Variants in PDGFC observed in about 807,000 individuals in gnomAD.
The protein encoded by PDGFC is platelet-derived growth factor C.
In PDGFC, 12 loss-of-function variants were observed where a neutral mutation model predicts 35.5. The ratio of observed to expected loss-of-function variants is 0.34; its 90% CI spans 0.22 to 0.55. The LOEUF (loss-of-function observed/expected upper bound fraction) is 0.55, where lower values mean the gene tolerates loss of function less well. Ranked by LOEUF, PDGFC falls within the 20% of genes least tolerant of loss-of-function variation. The pLI is 0.91. For synonymous variants in PDGFC, 159 were observed against 148.8 expected (o/e 1.07, Z -0.50); for missense variants, 322 against 412.4 (o/e 0.78, Z 1.90).
At chr4:156,916,369 C>T (rs886736964) in intron 1 of PDGFC, among the ~76,000 whole-genome samples, 1 of 152,176 alleles carries the variant, frequency 6.6e-6, no homozygotes, top group African/African-American at 2.4e-5. Context: ...AGGTCTTACT[C>T]TACTCTCTTC....
intron 1 of PDGFC, among the ~76,000 whole-genome samples, chr4:156,947,679 C>T (rs1239457048): frequency 6.6e-6 from 1 of 151,956 alleles, no homozygotes; most frequent in Non-Finnish European, 1.5e-5. Context: ...TCACTATCAG[C>T]CTTTTCCCCT....
At chr4:156,809,658 C>T (rs889420223) in intron 3 of PDGFC, among the ~76,000 whole-genome samples, 8 of 151,606 alleles carry the variant, frequency 5.3e-5, no homozygotes, top group Non-Finnish European at 1.0e-4. Flanking sequence ...TTGATTTAAT[C>T]CATATAACTC....
rs146898697 is a variant in PDGFC, at chr4:156,866,172, G to C, written c.119-15756C>G. Among the ~76,000 whole-genome samples, 762 of 152,108 alleles carry C rather than the reference G, an allele frequency of 5.0e-3. 22 individuals carry two copies. The highest frequency in any genetic ancestry group is 0.047 in the Admixed American group (721 of 15,282). ...CTTCCTGTGTCCATGTGTTCTCATTGTTCAATTCCCACCCATGAGTGAGAA... is the reference window on the plus strand; with the variant it reads ...CTTCCTGTGTCCATGTGTTCTCATTCTTCAATTCCCACCCATGAGTGAGAA... On this transcript the variant is annotated intron_variant, in intron 1 of 5. Coordinates refer to ENST00000502773, the MANE Select transcript of PDGFC (RefSeq NM_016205.3).
intron 1 of PDGFC, among the ~76,000 whole-genome samples, chr4:156,902,967 G>C (rs545127545): frequency 6.6e-6 from 1 of 151,878 alleles, no homozygotes; most frequent in African/African-American, 2.4e-5. Flanking sequence ...TCTGAAAATC[G>C]ATTGATAGAG....
intron 2 of PDGFC, among the ~76,000 whole-genome samples, chr4:156,835,495 GTC>G (rs1256897719): frequency 6.6e-6 from 1 of 152,134 alleles, no homozygotes; most frequent in Non-Finnish European, 1.5e-5. Flanking sequence ...AAATGTTAGT[GTC>G]TCTGTATATT....
chr4:156,884,583 A>G (rs1730330311), intron 1 of PDGFC, among the ~76,000 whole-genome samples: 1 of 152,226 alleles, frequency 6.6e-6, no homozygotes, highest in African/African-American at 2.4e-5. Context: ...CATACTTCCT[A>G]TGCAAAAGAT....
chr4:156,795,415 A>G (rs1731414399), intron 3 of PDGFC, among the ~76,000 whole-genome samples: 1 of 152,196 alleles, frequency 6.6e-6, no homozygotes, highest in Admixed American at 6.5e-5. Flanking sequence ...ACTGAAAGTC[A>G]TAATTGAGGC....
intron 1 of PDGFC, among the ~76,000 whole-genome samples, chr4:156,923,737 G>C (rs1391654789): frequency 5.9e-5 from 9 of 151,972 alleles, no homozygotes; most frequent in Non-Finnish European, 1.3e-4. Flanking sequence ...CACACACCAA[G>C]AGACAAAAGA....
intron 1 of PDGFC, among the ~76,000 whole-genome samples, chr4:156,922,693 G>T (rs938398981): frequency 2.0e-5 from 3 of 152,304 alleles, no homozygotes; most frequent in African/African-American, 7.2e-5. Context: ...ATTTACAGAA[G>T]ATTATGGTGA....
At chr4:156,866,312 T>C (rs1336209320) in intron 1 of PDGFC, among the ~76,000 whole-genome samples, 1 of 152,208 alleles carries the variant, frequency 6.6e-6, no homozygotes, top group Non-Finnish European at 1.5e-5. Context: ...CTGCATAGTA[T>C]TCCATTGTGT....
rs558896775 is a variant in PDGFC, at chr4:156,796,588, G to A, written c.495+14249C>T. On this transcript the variant is annotated intron_variant, in intron 3 of 5. Transcript: ENST00000502773. Reference sequence around the variant, plus strand: ...GTTCTTTTCAAGCAATATTGGTTGGGAGGCATTGTGCTGTAGTTGAAATTA... The same window carrying A: ...GTTCTTTTCAAGCAATATTGGTTGGAAGGCATTGTGCTGTAGTTGAAATTA... 8.0e-5 allele frequency among the ~76,000 whole-genome samples: 12 copies of A among 150,438 alleles called. No individual in the cohort carries two copies. The South Asian group carries it at 2.1e-3, about 26-fold the overall frequency.
intron 2 of PDGFC, among the ~76,000 whole-genome samples, chr4:156,833,081 T>C (rs1220460314): frequency 6.6e-6 from 1 of 152,230 alleles, no homozygotes; most frequent in African/African-American, 2.4e-5. Flanking sequence ...AAGGCAAATA[T>C]CAACTTTTGA....
chr4:156,869,269 T>C (rs1327376350), intron 1 of PDGFC, among the ~76,000 whole-genome samples: 1 of 151,978 alleles, frequency 6.6e-6, no homozygotes, highest in African/African-American at 2.4e-5. Context: ...ACCTCATCTC[T>C]ACTAAAAATA....
At chr4:156,849,258 G>A (rs1729395726) in intron 2 of PDGFC, among the ~76,000 whole-genome samples, 2 of 151,860 alleles carry the variant, frequency 1.3e-5, no homozygotes. Flanking sequence ...TAGATGTAAG[G>A]AAAAACAACA....
At chr4:156,791,029 T>C (rs1450331201) in intron 3 of PDGFC, among the ~76,000 whole-genome samples, 2 of 152,190 alleles carry the variant, frequency 1.3e-5, no homozygotes, top group Non-Finnish European at 2.9e-5. Context: ...AACATTCATA[T>C]GGAGCTTAGG....
At chr4:156,887,996 C>T (rs1730415484) in intron 1 of PDGFC, among the ~76,000 whole-genome samples, 2 of 145,886 alleles carry the variant, frequency 1.4e-5, no homozygotes, top group South Asian at 4.7e-4. Context: ...GAGTGAAACC[C>T]CGTCTTAAAA....
intron 1 of PDGFC, among the ~76,000 whole-genome samples, chr4:156,880,256 G>C (rs756439443): frequency 1.3e-5 from 2 of 152,018 alleles, no homozygotes; most frequent in Non-Finnish European, 2.9e-5. Flanking sequence ...TCTTGTTAGG[G>C]ACTAACACCA....
intron 3 of PDGFC, among the ~76,000 whole-genome samples, chr4:156,797,192 C>T (rs998114411): frequency 3.3e-5 from 5 of 150,390 alleles, no homozygotes; most frequent in Admixed American, 6.6e-5. Context: ...GAGCAGAGAT[C>T]GCGCCACTGC....
At chr4:156,882,409 T>A (rs1297768466) in intron 1 of PDGFC, among the ~76,000 whole-genome samples, 1 of 152,168 alleles carries the variant, frequency 6.6e-6, no homozygotes, top group East Asian at 1.9e-4. Context: ...GAATCTACCT[T>A]ATGTGAAGAA....
Sources: gnomAD v4.1 joint callset for allele counts (sites outside exome capture counted in the v4.1 genomes callset) on GRCh38, gnomAD v4.1.1 for gene constraint, MANE v1.5 for transcripts, NCBI Gene and HGNC (gene_info 2026-07-23, HGNC 2026-07-21) for gene names.